PITPNC1: variants seen among roughly 807,000 people sequenced by gnomAD.
PITPNC1 encodes cytoplasmic phosphatidylinositol transfer protein 1.
In PITPNC1, 18 loss-of-function variants were observed where a neutral mutation model predicts 44.7. That is an observed-to-expected ratio of 0.40 (90% CI 0.28 to 0.60). The LOEUF is 0.60. PITPNC1 is among the 20% of genes least tolerant of loss of function. PITPNC1 has a pLI of 0.39. For synonymous variants in PITPNC1, 141 were observed against 149.6 expected, an observed-to-expected ratio of 0.94 and a Z score of 0.42; for missense variants, 290 against 418.4, an observed-to-expected ratio of 0.69 and a Z score of 2.68.
intron 1 of PITPNC1, among the ~76,000 whole-genome samples, chr17:67,405,930 C>G (rs970790488): frequency 1.3e-5 from 2 of 152,062 alleles, no homozygotes; most frequent in Admixed American, 1.3e-4. Flanking sequence ...TTCTATATGT[C>G]TCTTCCTGAT....
At chr17:67,647,462 GGGTTTTT>G (rs1567757483) in intron 6 of PITPNC1, among the ~76,000 whole-genome samples, 1 of 96,250 alleles carries the variant, frequency 1.0e-5, no homozygotes, top group Non-Finnish European at 1.9e-5. Flanking sequence ...AGCTAATTTT[GGGTTTTT>G]TTTTTTTTTT....
chr17:67,569,874 C>T (rs985419194), intron 4 of PITPNC1, among the ~76,000 whole-genome samples: 1 of 152,084 alleles, frequency 6.6e-6, no homozygotes. Flanking sequence ...CCAAGCTGTG[C>T]CTTTAGTCAA....
chr17:67,688,504 A>G (rs541567623), intron 8 of PITPNC1, among the ~76,000 whole-genome samples: 16 of 151,980 alleles, frequency 1.1e-4, no homozygotes, highest in African/African-American at 3.4e-4. Flanking sequence ...ATGTGCTGCA[A>G]CTGGTTGCAT....
intron 1 of PITPNC1, among the ~76,000 whole-genome samples, chr17:67,483,533 G>A (rs543012558): frequency 1.4e-3 from 210 of 152,278 alleles, no homozygotes; most frequent in South Asian, 3.5e-3. Context: ...ACCCTTCTTT[G>A]ATCAACATTA....
At chr17:67,492,012 T>G (rs934455) in intron 1 of PITPNC1, among the ~76,000 whole-genome samples, 1 of 147,558 alleles carries the variant, frequency 6.8e-6, no homozygotes, top group African/African-American at 2.5e-5. Flanking sequence ...CTTTTTTTTT[T>G]AAAAAAAAAA....
At chr17:67,619,518 C>T (rs1043953412) in intron 5 of PITPNC1, among the ~76,000 whole-genome samples, 1 of 152,136 alleles carries the variant, frequency 6.6e-6, no homozygotes, top group African/African-American at 2.4e-5. Flanking sequence ...CCAATCACTC[C>T]ACCAGGGGCT....
At position 67,544,831 on chromosome 17, in the gene PITPNC1, A is replaced by C. The variant is rs73334041; in HGVS notation, c.198-7426A>C. Among the ~76,000 whole-genome samples the C allele has an allele frequency of 5.2e-3, 786 of 152,256 alleles. 1 individual carries two copies. Among genetic ancestry groups the C allele is most frequent in the African/African-American group, 0.016 (665 of 41,536 alleles). On this transcript the variant is annotated intron_variant, in intron 2 of 8. Transcript: ENST00000581322. ...CTTCCTGTTCTCCCAGATCTTCCCC[A>C]AAATAAGCTCAGTGCCCAGAACTTG...
chr17:67,443,633 C>CTTTT (rs5821477), intron 1 of PITPNC1, among the ~76,000 whole-genome samples: 10 of 122,552 alleles, frequency 8.2e-5, no homozygotes, highest in African/African-American at 9.2e-5. Context: ...GGACACTGGT[C>CTTTT]TTTTTTTTTT....
At chr17:67,523,727 C>T (rs571658219) in intron 1 of PITPNC1, among the ~76,000 whole-genome samples, 4 of 151,966 alleles carry the variant, frequency 2.6e-5, no homozygotes, top group Non-Finnish European at 4.4e-5. Flanking sequence ...AATAGCCAGT[C>T]CTCAGGAAGG....
intron 1 of PITPNC1, among the ~76,000 whole-genome samples, chr17:67,404,206 G>A (rs961084663): frequency 2.0e-5 from 3 of 152,140 alleles, no homozygotes; most frequent in African/African-American, 7.2e-5. Context: ...CATTTCTGGA[G>A]CATATATCTT....
intron 1 of PITPNC1, among the ~76,000 whole-genome samples, chr17:67,435,417 C>T (rs183691664): frequency 1.0e-3 from 158 of 152,316 alleles, no homozygotes; most frequent in Non-Finnish European, 2.1e-3. Flanking sequence ...CACATGGATT[C>T]ATTCAACAAG....
intron 1 of PITPNC1, among the ~76,000 whole-genome samples, chr17:67,444,377 T>C (rs1371030875): frequency 6.6e-6 from 1 of 152,028 alleles, no homozygotes; most frequent in Non-Finnish European, 1.5e-5. Flanking sequence ...CTGTAAATCA[T>C]GTGTCCAACA....
intron 1 of PITPNC1, among the ~76,000 whole-genome samples, chr17:67,441,241 T>G (rs1246529861): frequency 2.6e-5 from 4 of 152,100 alleles, no homozygotes; most frequent in Middle Eastern, 3.4e-3. Flanking sequence ...TCTGAAGACG[T>G]GTAGAAGTTA....
intron 1 of PITPNC1, among the ~76,000 whole-genome samples, chr17:67,391,311 G>A (rs1033337291): frequency 4.0e-5 from 6 of 151,766 alleles, no homozygotes; most frequent in African/African-American, 1.2e-4. Context: ...AATCTAAGCC[G>A]CTAATCTCCA....
At chr17:67,471,225 TA>T (rs921967653) in intron 1 of PITPNC1, among the ~76,000 whole-genome samples, 1,114 of 86,980 alleles carry the variant, frequency 0.013, 24 homozygotes, top group African/African-American at 0.045. Flanking sequence ...AAAAAAAATG[TA>T]AAAAAAAAAA....
chr17:67,570,673 A>T (rs1400765642), intron 4 of PITPNC1, among the ~76,000 whole-genome samples: 1 of 152,180 alleles, frequency 6.6e-6, no homozygotes, highest in African/African-American at 2.4e-5. Context: ...TTGATAGATG[A>T]GGAAACTGAA....
chr17:67,515,033 A>C (rs2040240052), intron 1 of PITPNC1, among the ~76,000 whole-genome samples: 1 of 152,178 alleles, frequency 6.6e-6, no homozygotes, highest in Non-Finnish European at 1.5e-5. Context: ...ACTCATTGTA[A>C]GAATTGAATT....
intron 1 of PITPNC1, among the ~76,000 whole-genome samples, chr17:67,443,633 C>CTT (rs5821477): frequency 0.15 from 18,821 of 122,176 alleles, 1,711 homozygotes; most frequent in East Asian, 0.25. Flanking sequence ...GGACACTGGT[C>CTT]TTTTTTTTTT....
intron 1 of PITPNC1, among the ~76,000 whole-genome samples, chr17:67,521,019 CT>C (rs2040318919): frequency 6.6e-6 from 1 of 152,182 alleles, no homozygotes; most frequent in Admixed American, 6.5e-5. Flanking sequence ...TACATGCACT[CT>C]TACTTGCATA....
Sources: gnomAD v4.1 joint callset for allele counts (sites outside exome capture counted in the v4.1 genomes callset) on GRCh38, gnomAD v4.1.1 for gene constraint, MANE v1.5 for transcripts, NCBI Gene and HGNC (gene_info 2026-07-23, HGNC 2026-07-21) for gene names.